FBN2: variants seen among roughly 807,000 people sequenced by gnomAD.
FBN2 encodes fibrillin 2.
Under a neutral mutation model 355.6 loss-of-function variants are expected in FBN2, and 105 were observed. That is an observed-to-expected ratio of 0.30 (90% CI 0.25 to 0.35). The LOEUF is 0.35. FBN2 is among the 10% of genes least tolerant of loss of function. FBN2 has a pLI of 1.00. For missense variants in FBN2, 3,280 were observed against 3,758.7 expected, an observed-to-expected ratio of 0.87 and a Z score of 3.33; for synonymous variants, 1,350 against 1,301.2, an observed-to-expected ratio of 1.04 and a Z score of -0.81.
chr5:128,344,306 C>T, intron 25 of FBN2, 79 bp downstream of exon 25: 1 of 1,447,510 alleles, frequency 6.9e-7, no homozygotes, highest in Non-Finnish European at 9.7e-7. Context: ...AGAGGATTAG[C>T]TTTTTAGGGC....
At chr5:128,514,100 T>C (rs551349109) in intron 5 of FBN2, among the ~76,000 whole-genome samples, 5 of 152,090 alleles carry the variant, frequency 3.3e-5, no homozygotes, top group Admixed American at 1.3e-4. Flanking sequence ...CTCTCTCTGC[T>C]TATTGTAATT....
chr5:128,274,156 AG>A (rs1316254967), intron 60 of FBN2, among the ~76,000 whole-genome samples, 188 bp from the exon 61 acceptor site: 1 of 152,188 alleles, frequency 6.6e-6, no homozygotes, highest in African/African-American at 2.4e-5. Context: ...GTATTTTAAG[AG>A]GTTTGAGATT....
chr5:128,388,501 C>T (rs74914610), intron 11 of FBN2, among the ~76,000 whole-genome samples: 40 of 152,294 alleles, frequency 2.6e-4, no homozygotes, highest in African/African-American at 9.4e-4. Flanking sequence ...ATGTTTAACA[C>T]TCCCTCAAGG....
chr5:128,492,324 C>T (rs1755528202), intron 5 of FBN2, among the ~76,000 whole-genome samples: 1 of 152,118 alleles, frequency 6.6e-6, no homozygotes, highest in Non-Finnish European at 1.5e-5. Flanking sequence ...TGTCCAATAG[C>T]CTACTATTTC....
intron 7 of FBN2, among the ~76,000 whole-genome samples, chr5:128,430,243 A>T (rs1044558723): frequency 3.4e-5 from 5 of 148,146 alleles, no homozygotes; most frequent in East Asian, 2.0e-4. Context: ...TTCATTTTTC[A>T]TTTTTTTTAA....
intron 36 of FBN2, among the ~76,000 whole-genome samples, chr5:128,313,849 T>C (rs1750125273): frequency 1.2e-5 from 1 of 82,364 alleles, no homozygotes; most frequent in Admixed American, 1.7e-4. Context: ...CGAGACTCTG[T>C]CTCAAAAAAA....
rs1283593757 is a variant in FBN2, at chr5:128,400,639, AAT to A, written c.1079-5367_1079-5366del. Among the ~76,000 whole-genome samples, 8 of 152,342 alleles carry A rather than the reference AAT, an allele frequency of 5.3e-5. No individual in the cohort carries two copies. In the East Asian group the frequency reaches 1.5e-3, roughly 29 times the overall value. ...AACCATGAAGCAAATACTGTACCAG[AAT>A]ATTTCCAAGAATTGGTATCAACTGG... On this transcript the variant is annotated intron_variant, in intron 8 of 64. Coordinates refer to ENST00000262464, the MANE Select transcript of FBN2 (RefSeq NM_001999.4).
At chr5:128,328,641 T>A (rs1581219279) in intron 34 of FBN2, 55 bp downstream of exon 34, 1 of 1,602,832 alleles carries the variant, frequency 6.2e-7, no homozygotes, top group Non-Finnish European at 8.5e-7. Context: ...TTGTTGTGGT[T>A]TCATTTACTG....
At chr5:128,512,785 T>C (rs966651156) in intron 5 of FBN2, among the ~76,000 whole-genome samples, 14 of 152,174 alleles carry the variant, frequency 9.2e-5, no homozygotes, top group African/African-American at 2.7e-4. Flanking sequence ...CATTTTCGAA[T>C]ATTCTATTTC....
chr5:128,478,986 A>T (rs1008519818), intron 5 of FBN2, among the ~76,000 whole-genome samples: 2 of 152,218 alleles, frequency 1.3e-5, no homozygotes, highest in Non-Finnish European at 2.9e-5. Context: ...CTTTATCAGT[A>T]TATGGGATCC....
intron 16 of FBN2, 21 bp from the exon 17 acceptor site, chr5:128,366,451 G>A: frequency 1.9e-6 from 3 of 1,566,022 alleles, no homozygotes; most frequent in Non-Finnish European, 2.6e-6. Context: ...AAAAGAAATA[G>A]AAGAATTAAA....
intron 7 of FBN2, among the ~76,000 whole-genome samples, chr5:128,437,400 T>C (rs1259807594): frequency 6.6e-6 from 1 of 152,230 alleles, no homozygotes; most frequent in East Asian, 1.9e-4. Flanking sequence ...ATTAAAACTC[T>C]TTTGTAACGT....
At chr5:128,266,976 C>A (rs1304369267) in intron 62 of FBN2, among the ~76,000 whole-genome samples, 1 of 151,924 alleles carries the variant, frequency 6.6e-6, no homozygotes, top group Non-Finnish European at 1.5e-5. Flanking sequence ...CCCTCGCCCC[C>A]CAACCCCCAA....
Position 128,311,914 on chromosome 5 carries a change from C to A in FBN2, c.4919G>T (p.Arg1640Ile). ...TAAAATGATTGTGATGGGGTTAGGT[C>A]TGAAGCCTTCACCTCCGGGACACAG... ...YTLCPGGEGF[R>I]PNPITIILED... Residue 1640 changes from arginine (R) to isoleucine (I), a missense_variant, in exon 38 of 65, where the codon AGA becomes ATA. This residue lies in a region of FBN2 where 2,284 missense variants were observed against 2,749.5 expected (regional missense o/e 0.83). Coordinates refer to ENST00000262464, the MANE Select transcript of FBN2 (RefSeq NM_001999.4). The A allele has an allele frequency of 6.2e-7, 1 of 1,612,698 alleles. No homozygotes were observed. Among genetic ancestry groups the A allele is most frequent in the Non-Finnish European group, 8.5e-7 (1 of 1,178,832 alleles).
At chr5:128,414,922 T>A (rs1753157481) in intron 7 of FBN2, among the ~76,000 whole-genome samples, 2 of 152,184 alleles carry the variant, frequency 1.3e-5, no homozygotes, top group African/African-American at 4.8e-5. Context: ...TTGCGTATTG[T>A]CTTTGGAGAA....
intron 7 of FBN2, among the ~76,000 whole-genome samples, chr5:128,437,947 T>C (rs1043646837): frequency 2.0e-5 from 3 of 152,198 alleles, no homozygotes; most frequent in Admixed American, 2.0e-4. Context: ...CCATGTAGTT[T>C]GTTTGCAGTT....
chr5:128,301,402 G>C lies in FBN2; in HGVS notation c.6026C>G (p.Pro2009Arg), dbSNP rs1236374284. ...CLCNEGYELTPDGKNCIDTNE... is the reference protein window; with the variant it reads ...CLCNEGYELTRDGKNCIDTNE... ...CTTACCTATACAGTTTTTGCCATCT[G>C]GGGTAAGTTCATAACCTTCGTTACA... Residue 2009 changes from proline to arginine, a missense_variant, in exon 47 of 65, where the codon CCA (proline) becomes CGA (arginine). This residue lies in a region of FBN2 where 2,284 missense variants were observed against 2,749.5 expected (regional missense o/e 0.83). Coordinates refer to ENST00000262464, the MANE Select transcript of FBN2 (RefSeq NM_001999.4). 6.2e-7 allele frequency: 1 copy of C among 1,613,076 alleles called. No individual in the cohort carries two copies. The highest frequency in any genetic ancestry group is 8.5e-7 in the Non-Finnish European group (1 of 1,179,408).
chr5:128,275,324 G>A (rs1765364374), intron 59 of FBN2, among the ~76,000 whole-genome samples: 1 of 151,792 alleles, frequency 6.6e-6, no homozygotes, highest in Non-Finnish European at 1.5e-5. Flanking sequence ...CTTAAAAAAC[G>A]CTTTAGTCAT....
At chr5:128,380,652 G>A (rs545897594) in intron 11 of FBN2, among the ~76,000 whole-genome samples, 1 of 152,150 alleles carries the variant, frequency 6.6e-6, no homozygotes, top group African/African-American at 2.4e-5. Flanking sequence ...AAAGCAATTA[G>A]TGACTTTACA....
Sources: gnomAD v4.1 joint callset for allele counts (sites outside exome capture counted in the v4.1 genomes callset) on GRCh38, gnomAD v4.1.1 for gene constraint, gnomAD v4.1.1 regional missense constraint, MANE v1.5 for transcripts, NCBI Gene and HGNC (gene_info 2026-07-23, HGNC 2026-07-21) for gene names.